Variants in PITPNB observed in about 807,000 individuals in gnomAD.
PITPNB encodes the protein phosphatidylinositol transfer protein beta isoform.
In PITPNB, 16 loss-of-function variants were observed where a neutral mutation model predicts 45.9. The ratio of observed to expected loss-of-function variants is 0.35; its 90% confidence interval spans 0.24 to 0.53. PITPNB has a LOEUF of 0.53. PITPNB is among the 20% of genes least tolerant of loss of function. PITPNB has a pLI of 0.93. For missense variants in PITPNB, 188 were observed against 330.5 expected (o/e 0.57, Z 3.34); for synonymous variants, 112 against 108.9 (o/e 1.03, Z -0.18).
chr22:27,862,830 C>T (rs899688069), intron 8 of PITPNB, among the ~76,000 whole-genome samples: 3 of 152,020 alleles, frequency 2.0e-5, no homozygotes, highest in African/African-American at 7.3e-5. Flanking sequence ...ATATTCTCAC[C>T]CCGGAAACAT....
At chr22:27,881,304 T>C (rs1376269240) in intron 7 of PITPNB, among the ~76,000 whole-genome samples, 3 of 152,214 alleles carry the variant, frequency 2.0e-5, no homozygotes, top group Non-Finnish European at 4.4e-5. Context: ...GTATTTGAGG[T>C]GCTTTCTCCC....
At chr22:27,860,105 G>T in intron 9 of PITPNB, 26 bp downstream of exon 9, 1 of 1,342,722 alleles carries the variant, frequency 7.4e-7, no homozygotes, top group Non-Finnish European at 1.1e-6. Flanking sequence ...CTAAATCTAA[G>T]TCACCACATT....
intron 8 of PITPNB, among the ~76,000 whole-genome samples, chr22:27,870,375 G>A (rs554396156): frequency 3.9e-5 from 6 of 152,308 alleles, no homozygotes; most frequent in Non-Finnish European, 7.4e-5. Context: ...ACCACCATCA[G>A]ACAAGTAAGG....
At position 27,860,012 on chromosome 22, in the gene PITPNB, G is replaced by A. The variant is rs1934278726; in HGVS notation, c.645+119C>T. 2.2e-5 allele frequency: 14 copies of A among 624,296 alleles called. 1 individual carries two copies. The South Asian group carries it at 2.6e-4, about 12-fold the overall frequency. 38.7% of individuals were successfully genotyped at this position (624,296 alleles called of 1,614,324 possible). A position where few individuals can be genotyped will look rare whatever the true frequency, so the allele number is the denominator to read the frequency against. On this transcript the variant is annotated intron_variant, in intron 9 of 11. Coordinates refer to ENST00000335272, the MANE Select transcript of PITPNB (RefSeq NM_012399.5). The stretch of plus-strand genomic sequence containing the variant: ...AGAAGGGCTGAAATGAATTATGTAG[G>A]GACAATAATTTTCATATCATAAAGG...
chr22:27,869,428 T>C (rs1023187571), intron 8 of PITPNB, among the ~76,000 whole-genome samples: 1 of 152,154 alleles, frequency 6.6e-6, no homozygotes, highest in Non-Finnish European at 1.5e-5. Flanking sequence ...TGAAAATATA[T>C]TCCTTAGCAA....
chr22:27,888,842 C>T (rs1233557175), intron 7 of PITPNB, among the ~76,000 whole-genome samples: 5 of 152,116 alleles, frequency 3.3e-5, no homozygotes, highest in African/African-American at 9.7e-5. Flanking sequence ...GGGTATGGTC[C>T]GTGGCACAGC....
rs1481311556 is a variant in PITPNB, at chr22:27,914,301, A to C, written c.51+16T>G. On this transcript the variant is annotated intron_variant, in intron 2 of 11. Transcript: ENST00000335272. The stretch of plus-strand genomic sequence containing the variant: ...ACATATACCAATAAAATGATGCAGA[A>C]GCAAGAAAAACTCACCTCCTGAACA... 1 of 1,564,738 alleles carries C rather than the reference A, an allele frequency of 6.4e-7. No individual in the cohort carries two copies. Among genetic ancestry groups the C allele is most frequent in the South Asian group, 1.1e-5 (1 of 89,792 alleles).
chr22:27,870,708 G>A (rs1934632700), intron 8 of PITPNB, among the ~76,000 whole-genome samples: 1 of 152,150 alleles, frequency 6.6e-6, no homozygotes, highest in Non-Finnish European at 1.5e-5. Flanking sequence ...CCTCCACCAG[G>A]ACAGTAATTG....
intron 7 of PITPNB, among the ~76,000 whole-genome samples, chr22:27,890,611 G>A (rs1053489620): frequency 6.6e-6 from 1 of 152,094 alleles, no homozygotes; most frequent in Non-Finnish European, 1.5e-5. Context: ...TCAGGAGATC[G>A]AGACCATCCT....
intron 7 of PITPNB, among the ~76,000 whole-genome samples, chr22:27,874,325 A>AC (rs1934755172): frequency 1.3e-5 from 2 of 152,096 alleles, no homozygotes; most frequent in Admixed American, 6.5e-5. Context: ...TGGACATCTC[A>AC]GTTTCTTGAC....
chr22:27,869,589 T>G (rs973917421), intron 8 of PITPNB, among the ~76,000 whole-genome samples: 1 of 151,774 alleles, frequency 6.6e-6, no homozygotes, highest in African/African-American at 2.4e-5. Flanking sequence ...GATACCAGAA[T>G]GAGGGGAACA....
chr22:27,862,249 C>T (rs955454736), intron 8 of PITPNB, among the ~76,000 whole-genome samples: 2 of 152,296 alleles, frequency 1.3e-5, no homozygotes, highest in Non-Finnish European at 2.9e-5. Flanking sequence ...TTATTCTAAA[C>T]CTCAAGATTA....
At chr22:27,897,924 C>A in intron 3 of PITPNB, 32 bp from the exon 4 acceptor site, 2 of 1,386,126 alleles carry the variant, frequency 1.4e-6, no homozygotes, top group Non-Finnish European at 2.1e-6. Context: ...ATATATTTAA[C>A]AGCACCATCA....
At chr22:27,890,347 T>A (rs191127103) in intron 7 of PITPNB, among the ~76,000 whole-genome samples, 267 of 146,514 alleles carry the variant, frequency 1.8e-3, no homozygotes, top group Non-Finnish European at 3.3e-3. Context: ...GAAATATGCA[T>A]ACTGGAATTA....
At chr22:27,874,934 G>A (rs1011373779) in intron 7 of PITPNB, among the ~76,000 whole-genome samples, 4 of 152,164 alleles carry the variant, frequency 2.6e-5, no homozygotes, top group Non-Finnish European at 5.9e-5. Context: ...GGCAGTATGA[G>A]CAAAAGCAAG....
At position 27,897,891 on chromosome 22, in the gene PITPNB, T is replaced by G; in HGVS notation, c.199A>C (p.Lys67Gln). ...YTHKIYHLKS[K>Q]VPAFVRMIAP... Reference sequence around the variant, plus strand: ...ATCATCCTCACGAATGCAGGCACTTTGCTGGGAGAAGAGAGATACTGGATA... The same window carrying G: ...ATCATCCTCACGAATGCAGGCACTTGGCTGGGAGAAGAGAGATACTGGATA... The change falls in exon 4 of 12, where the codon AAA (lysine) becomes CAA (glutamine). Residue 67 changes from lysine (K) to glutamine (Q), a missense_variant and splice_region_variant. By Grantham distance (53) the Lys-to-Gln change is moderately conservative. Transcript: ENST00000335272. 6.2e-7 allele frequency: 1 copy of G among 1,608,356 alleles called. No individual in the cohort carries two copies. Among genetic ancestry groups the G allele is most frequent in the Non-Finnish European group, 8.5e-7 (1 of 1,174,798 alleles).
At chr22:27,873,865 C>A in intron 7 of PITPNB, 50 bp from the exon 8 acceptor site, 1 of 1,219,394 alleles carries the variant, frequency 8.2e-7, no homozygotes, top group Non-Finnish European at 1.2e-6. Context: ...AGAGAATATT[C>A]TTTAACCGTG....
intron 8 of PITPNB, 58 bp downstream of exon 8, chr22:27,873,680 A>G (rs1601391224): frequency 1.0e-6 from 1 of 1,000,612 alleles, no homozygotes; most frequent in East Asian, 2.4e-5. Context: ...AAGACTCAGG[A>G]CCTGTCAAGT....
At chr22:27,882,679 G>C (rs1187496128) in intron 7 of PITPNB, among the ~76,000 whole-genome samples, 1 of 152,192 alleles carries the variant, frequency 6.6e-6, no homozygotes, top group Non-Finnish European at 1.5e-5. Flanking sequence ...CAAAACTCGT[G>C]GCTCCGATTA....
Sources: allele counts gnomAD v4.1 joint callset (sites outside exome capture counted in the v4.1 genomes callset), GRCh38; gene constraint gnomAD v4.1.1; transcripts MANE v1.5; gene names NCBI Gene and HGNC (gene_info 2026-07-23, HGNC 2026-07-21).